The following CFAP97D2 variants were observed in gnomAD, a reference collection of about 807,000 sequenced individuals.
The protein encoded by CFAP97D2 is uncharacterized protein CFAP97D2.
chr13:114,180,185 G>A (rs2080827303), intron 1 of CFAP97D2, among the ~76,000 whole-genome samples: 1 of 152,326 alleles, frequency 6.6e-6, no homozygotes, highest in African/African-American at 2.4e-5. Flanking sequence ...TGTTGATCAG[G>A]CTGGAAATAC....
At chr13:114,198,272 A>C (rs2080896128) in intron 2 of CFAP97D2, among the ~76,000 whole-genome samples, 1 of 152,172 alleles carries the variant, frequency 6.6e-6, no homozygotes, top group South Asian at 2.1e-4. Context: ...TCTCGAAGTA[A>C]TGCCTCCAGG....
At chr13:114,182,171 ACGTGAG>A (rs2080835842) in intron 1 of CFAP97D2, among the ~76,000 whole-genome samples, 1 of 134,440 alleles carries the variant, frequency 7.4e-6, no homozygotes, top group Non-Finnish European at 1.5e-5. Flanking sequence ...TCAGCAAAAA[ACGTGAG>A]CAAAAGAGTC....
At chr13:114,222,817 C>T (rs2081027071), downstream of CFAP97D2, 9 of 338,168 alleles carry the variant, frequency 2.7e-5, no homozygotes, top group East Asian at 1.8e-4. This position sits in a 1 kb window ranked among gnomAD's most constrained non-coding sequence, Gnocchi z 4.4. Flanking sequence ...ACAATGTGCC[C>T]GAGCAGATGA....
chr13:114,192,450 CTG>C, intron 1 of CFAP97D2, among the ~76,000 whole-genome samples: 1 of 152,224 alleles, frequency 6.6e-6, no homozygotes, highest in South Asian at 2.1e-4. Flanking sequence ...CATAAAAGGA[CTG>C]TGTTACCAAA....
rs1276762845 is a variant in CFAP97D2 at position 114,179,731 on chromosome 13, T to C, written c.90+311T>C. ...AGTACTTAATTTTTCCTAAGTGACT[T>C]GAAAGCATCTTAAGACAAAAACACC... On this transcript the variant is annotated intron_variant, in intron 1 of 4. Transcript: ENST00000646158. This position sits in a 1 kb window ranked among gnomAD's most constrained non-coding sequence, Gnocchi z 4.8. Among the ~76,000 whole-genome samples, 3 of 152,382 alleles carry C rather than the reference T, an allele frequency of 2.0e-5. No individual in the cohort carries two copies. In the South Asian group the frequency reaches 6.2e-4, roughly 32 times the overall value.
chr13:114,203,406 T>C lies in CFAP97D2; in HGVS notation c.290+2963T>C, dbSNP rs941147721. Among the ~76,000 whole-genome samples, 1 of 152,164 alleles carries C rather than the reference T, an allele frequency of 6.6e-6. No homozygotes were observed. The highest frequency in any genetic ancestry group is 1.5e-5 in the Non-Finnish European group (1 of 68,024). On this transcript the variant is annotated intron_variant, in intron 3 of 4. Transcript: ENST00000646158. The surrounding 1 kb of genome is among the most constrained non-coding windows in gnomAD (Gnocchi z 4.3). ...AACTACAAACCGTCATCCACAAAAA[T>C]TGAAGATCTAAATAAATGGAAAAAT...
At chr13:114,219,788 TG>T (rs1425994327) in intron 4 of CFAP97D2, among the ~76,000 whole-genome samples, 1 of 152,226 alleles carries the variant, frequency 6.6e-6, no homozygotes, top group Admixed American at 6.5e-5. Flanking sequence ...GCTGGAATTA[TG>T]GTCTGTGTGT....
chr13:114,200,570 CA>C (rs5807001), intron 3 of CFAP97D2, 127 bp downstream of exon 3: 30,782 of 393,976 alleles, frequency 0.078, 4,195 homozygotes, highest in East Asian at 0.48. Context: ...CTCCCGAAAA[CA>C]GCCACAGCTC....
chr13:114,206,104 CTT>C (rs57411812), intron 3 of CFAP97D2, among the ~76,000 whole-genome samples: 1,950 of 137,944 alleles, frequency 0.014, 20 homozygotes, highest in Middle Eastern at 0.074. Context: ...TTTTCTTTTC[CTT>C]TTTTTTTTTT....
chr13:114,192,063 G>A (rs1045612825), intron 1 of CFAP97D2, among the ~76,000 whole-genome samples: 1 of 137,336 alleles, frequency 7.3e-6, no homozygotes, highest in South Asian at 2.7e-4. Flanking sequence ...GATACGGGTG[G>A]GTGGGTGGGT....
Position 114,201,475 on chromosome 13 carries a change from A to G in CFAP97D2, c.290+1032A>G, listed in dbSNP as rs1346492612. Among the ~76,000 whole-genome samples, 2 of 152,214 alleles carry G rather than the reference A, an allele frequency of 1.3e-5. 1 individual carries two copies. Among genetic ancestry groups the G allele is most frequent in the South Asian group, 4.1e-4 (2 of 4,832 alleles). ...ACTGGGAAGGTGCTGCTCCAAGCTC[A>G]GGCGGGCCCTGCATGGTCCTGTGTG... is the stretch of plus-strand genomic sequence containing the variant. On this transcript the variant is annotated intron_variant, in intron 3 of 4. Transcript: ENST00000646158.
rs574488666 is a variant in CFAP97D2 at position 114,193,513 on chromosome 13, T to C, written c.91-2883T>C. 4.6e-5 allele frequency among the ~76,000 whole-genome samples: 7 copies of C among 152,196 alleles called. No homozygotes were observed. The East Asian group carries it at 1.2e-3, about 25-fold the overall frequency. On this transcript the variant is annotated intron_variant, in intron 1 of 4. Coordinates refer to ENST00000646158, the Ensembl canonical transcript of CFAP97D2. ...TGGCAGATGGTGGAAGGGCAAAAAGTGATGGACTCTGTGTCCCCATGTAGC... is the reference window on the plus strand; with the variant it reads ...TGGCAGATGGTGGAAGGGCAAAAAGCGATGGACTCTGTGTCCCCATGTAGC...
chr13:114,182,783 T>G (rs563377952), intron 1 of CFAP97D2, among the ~76,000 whole-genome samples: 2 of 152,340 alleles, frequency 1.3e-5, no homozygotes, highest in East Asian at 3.9e-4. Context: ...TGGATCAAAG[T>G]GGTTAGGTCA....
chr13:114,217,303 C>T (rs1437860020), intron 4 of CFAP97D2, among the ~76,000 whole-genome samples: 4 of 152,192 alleles, frequency 2.6e-5, no homozygotes, highest in Non-Finnish European at 5.9e-5. Flanking sequence ...TTCCTGGACA[C>T]ATACACCCTC....
chr13:114,196,938 A>T, intron 2 of CFAP97D2, among the ~76,000 whole-genome samples: 1 of 152,216 alleles, frequency 6.6e-6, no homozygotes, highest in East Asian at 1.9e-4. Flanking sequence ...TCACAGGTGG[A>T]TTCAAAGATT....
chr13:114,206,931 T>C lies in CFAP97D2; in HGVS notation c.291-4981T>C, dbSNP rs368742225. Among the ~76,000 whole-genome samples, 412 of 152,336 alleles carry C rather than the reference T, an allele frequency of 2.7e-3. 1 individual carries two copies. In the Middle Eastern group the frequency reaches 0.037, roughly 14 times the overall value. On this transcript the variant is annotated intron_variant, in intron 3 of 4. Coordinates refer to ENST00000646158, the Ensembl canonical transcript of CFAP97D2. ...CCTTCTCTGGTCAGCTGGATGTGTATGGATGCTCCTGTATGGGATCAGGGA... is the reference window on the plus strand; with the variant it reads ...CCTTCTCTGGTCAGCTGGATGTGTACGGATGCTCCTGTATGGGATCAGGGA...
intron 1 of CFAP97D2, among the ~76,000 whole-genome samples, chr13:114,193,421 T>G (rs1343615270): frequency 6.6e-6 from 1 of 152,186 alleles, no homozygotes; most frequent in Non-Finnish European, 1.5e-5. Flanking sequence ...TTCCAGAGAC[T>G]GGGAAGTCCA....
intron 3 of CFAP97D2, among the ~76,000 whole-genome samples, chr13:114,205,874 G>T (rs2080937685): frequency 6.6e-6 from 1 of 152,134 alleles, no homozygotes; most frequent in African/African-American, 2.4e-5. Context: ...ACTCACCTGG[G>T]ACTTAGTCTC....
chr13:114,197,965 GTTGT>G (rs1458709665), intron 2 of CFAP97D2, among the ~76,000 whole-genome samples: 7 of 152,058 alleles, frequency 4.6e-5, no homozygotes, highest in African/African-American at 1.4e-4. Flanking sequence ...GATTACAGGT[GTTGT>G]TTATTTCTTT....
Sources: allele counts gnomAD v4.1 joint callset (sites outside exome capture counted in the v4.1 genomes callset), GRCh38; gene constraint gnomAD v4.1.1; non-coding constraint Gnocchi (gnomAD v3.1); transcripts MANE v1.5; gene names NCBI Gene and HGNC (gene_info 2026-07-23, HGNC 2026-07-21).